The following RGS6 variants were observed in gnomAD, a reference collection of about 807,000 sequenced individuals.
The protein encoded by RGS6 is regulator of G-protein signaling 6.
In RGS6, 30 loss-of-function variants were observed where a neutral mutation model predicts 78.5. The observed-to-expected ratio is 0.38, with a 90% CI of 0.29 to 0.52. The LOEUF is 0.52. Ranked by LOEUF, RGS6 falls within the 20% of genes least tolerant of loss-of-function variation. RGS6 has a pLI of 0.85. For synonymous variants in RGS6, 206 were observed against 206.0 expected (o/e 1.00, Z 0.00); for missense variants, 495 against 609.7 (o/e 0.81, Z 1.98).
chr14:72,478,315 C>T lies in RGS6; in HGVS notation c.840C>T (p.Ser280=). The change falls in exon 12 of 18, where the codon TCC becomes TCT. Residue 280 remains serine (S), a synonymous_variant. Transcript: ENST00000553525. ...TCGACAGACATTGTTTGAAAATGTCCAAAGTGGCTGAAAGGTATGTTTTCC... is the reference window on the plus strand; with the variant it reads ...TCGACAGACATTGTTTGAAAATGTCTAAAGTGGCTGAAAGGTATGTTTTCC... ...AQIDRHCLKM[S]KVAESLIAYT... 5 of 1,608,990 alleles carry T rather than the reference C, an allele frequency of 3.1e-6. No homozygotes were observed. In the South Asian group the frequency reaches 5.5e-5, roughly 18 times the overall value.
intron 2 of RGS6, among the ~76,000 whole-genome samples, chr14:72,093,207 G>C (rs2095321410): frequency 6.6e-6 from 1 of 152,062 alleles, no homozygotes; most frequent in African/African-American, 2.4e-5. Flanking sequence ...TTTTGTCCCA[G>C]GCATGTTTTG....
At chr14:72,271,899 G>A (rs2059997777) in intron 2 of RGS6, among the ~76,000 whole-genome samples, 1 of 149,052 alleles carries the variant, frequency 6.7e-6, no homozygotes, top group Non-Finnish European at 1.5e-5. Context: ...CAGTAGTTGA[G>A]TCCTCCTTAA....
chr14:71,991,557 T>C (rs2094954724), intron 2 of RGS6, among the ~76,000 whole-genome samples: 1 of 152,240 alleles, frequency 6.6e-6, no homozygotes, highest in Admixed American at 6.5e-5. Flanking sequence ...TGGTTCATGT[T>C]AATTGTAAAA....
intron 2 of RGS6, among the ~76,000 whole-genome samples, chr14:72,096,918 G>A (rs1250209662): frequency 6.6e-6 from 1 of 152,160 alleles, no homozygotes; most frequent in Non-Finnish European, 1.5e-5. Context: ...CTCTTCCCTT[G>A]GGGATTGAAA....
In RGS6 at chr14:72,072,973, G is replaced by C. The variant is rs140756232; in HGVS notation, c.84+108098G>C. Among the ~76,000 whole-genome samples the C allele has an allele frequency of 4.6e-3, 707 of 152,304 alleles. 5 individuals carry two copies. The highest frequency in any genetic ancestry group is 0.016 in the African/African-American group (661 of 41,574). ...CTGATTTATCTCGTCTGGGGCACCA[G>C]GAGTTTTAAAATTTCTCCAGGTGAT... On this transcript the variant is annotated intron_variant, in intron 2 of 17. Coordinates refer to ENST00000553525, the MANE Select transcript of RGS6 (RefSeq NM_001204424.2).
At chr14:72,120,690 A>T (rs750437120) in intron 2 of RGS6, among the ~76,000 whole-genome samples, 22 of 152,210 alleles carry the variant, frequency 1.4e-4, no homozygotes, top group Non-Finnish European at 3.1e-4. Flanking sequence ...CAGAAATATT[A>T]AGTAAAAGAA....
At chr14:72,055,258 G>A (rs1022513023) in intron 2 of RGS6, among the ~76,000 whole-genome samples, 2 of 152,106 alleles carry the variant, frequency 1.3e-5, no homozygotes, top group Admixed American at 1.3e-4. Flanking sequence ...CAGAGGTGCA[G>A]AAAAGATCCT....
intron 2 of RGS6, among the ~76,000 whole-genome samples, chr14:72,204,855 T>G (rs533883503): frequency 1.2e-4 from 19 of 152,312 alleles, no homozygotes; most frequent in Admixed American, 4.6e-4. Context: ...TGCCTCATAG[T>G]GCTGTACTTA....
chr14:71,990,857 T>C (rs559160619), intron 2 of RGS6: 2 of 456,078 alleles, frequency 4.4e-6, no homozygotes, highest in Admixed American at 4.7e-5. Flanking sequence ...AGCTTATTTC[T>C]TGCCCTGCCA....
rs528533957 is a variant in RGS6, at chr14:72,559,664, G to A, written c.1423-2753G>A. ...AGAGGTTGGGAACAATCCCAAGGGT[G>A]GCCCCTAAGCTGGTCAGCTGCACCA... On this transcript the variant is annotated intron_variant, in intron 17 of 17. Coordinates refer to ENST00000553525, the MANE Select transcript of RGS6 (RefSeq NM_001204424.2). Among the ~76,000 whole-genome samples the A allele has an allele frequency of 4.5e-4, 69 of 152,348 alleles. 1 individual carries two copies. Among genetic ancestry groups the A allele is most frequent in the Admixed American group, 7.8e-4 (12 of 15,302 alleles).
chr14:72,020,401 T>A (rs759889997), intron 2 of RGS6, among the ~76,000 whole-genome samples: 2 of 152,250 alleles, frequency 1.3e-5, no homozygotes, highest in Non-Finnish European at 2.9e-5. Context: ...TGTCCTAGGA[T>A]GAACTGGTTC....
At chr14:72,431,325 T>C (rs1240893605) in intron 3 of RGS6, among the ~76,000 whole-genome samples, 1 of 152,086 alleles carries the variant, frequency 6.6e-6, no homozygotes. Context: ...TGAAATCTGC[T>C]ATCTTAACAA....
At chr14:72,367,841 CCTCAGTTTT>C (rs1246805706) in intron 3 of RGS6, among the ~76,000 whole-genome samples, 2 of 152,148 alleles carry the variant, frequency 1.3e-5, no homozygotes, top group African/African-American at 4.8e-5. Flanking sequence ...CCTCTTTGGG[CCTCAGTTTT>C]CTCACCTGTT....
At chr14:72,036,512 C>T (rs913749218) in intron 2 of RGS6, among the ~76,000 whole-genome samples, 1 of 152,076 alleles carries the variant, frequency 6.6e-6, no homozygotes, top group Admixed American at 6.6e-5. Flanking sequence ...AAATTTCAGC[C>T]ATTCTAATAT....
chr14:72,283,201 A>G (rs915430332), intron 2 of RGS6, among the ~76,000 whole-genome samples: 4 of 152,160 alleles, frequency 2.6e-5, no homozygotes, highest in African/African-American at 9.7e-5. Flanking sequence ...TTGTTTCTAT[A>G]TCTTGACTAT....
chr14:71,911,606 T>C, the RGS6 span, among the ~76,000 whole-genome samples: 1 of 152,190 alleles, frequency 6.6e-6, no homozygotes, highest in Non-Finnish European at 1.5e-5. Flanking sequence ...GAGGGAAAGG[T>C]GAGCCTGGGG....
In RGS6 at chr14:72,265,919, A is replaced by G. The variant is rs543919056; in HGVS notation, c.85-86176A>G. 1.0e-4 allele frequency among the ~76,000 whole-genome samples: 11 copies of G among 104,868 alleles called. No individual in the cohort carries two copies. The South Asian group carries it at 4.0e-3, about 38-fold the overall frequency. The allele number at this position is 104,868 out of a possible 152,430, so 68.8% of individuals were successfully genotyped here. ...TTATTAACCTTTTCCTTCTCTAACT[A>G]TCAGTCCTATCGCTTTTTTGGGGGG... On this transcript the variant is annotated intron_variant, in intron 2 of 17. Transcript: ENST00000553525.
chr14:72,514,805 C>T (rs1357699228), intron 14 of RGS6, among the ~76,000 whole-genome samples: 1 of 152,204 alleles, frequency 6.6e-6, no homozygotes, highest in Non-Finnish European at 1.5e-5. Context: ...TCACTCCCTG[C>T]CGCTGCCCTT....
chr14:72,093,603 T>G (rs1047295459), intron 2 of RGS6, among the ~76,000 whole-genome samples: 20 of 152,192 alleles, frequency 1.3e-4, no homozygotes, highest in African/African-American at 4.6e-4. Context: ...GTTTGCTTTT[T>G]TCCCCCCACA....
Sources: allele counts gnomAD v4.1 joint callset (sites outside exome capture counted in the v4.1 genomes callset), GRCh38; gene constraint gnomAD v4.1.1; transcripts MANE v1.5; gene names NCBI Gene and HGNC (gene_info 2026-07-23, HGNC 2026-07-21).